CNOT1: variants seen among roughly 807,000 people sequenced by gnomAD.
CNOT1 encodes CCR4-associated factor 1.
Under a neutral mutation model 273.8 loss-of-function variants are expected in CNOT1, and 15 were observed. The observed-to-expected ratio is 0.05, with a 90% CI of 0.04 to 0.08. The LOEUF is 0.08. Ranked by LOEUF, CNOT1 falls within the 10% of genes least tolerant of loss-of-function variation. The probability of loss-of-function intolerance (pLI) is 1.00; values close to 1 mark genes in which losing one functional copy is unlikely to be tolerated. For synonymous variants in CNOT1, 1,022 were observed against 1,005.5 expected (o/e 1.02, Z -0.31); for missense variants, 1,644 against 2,912.2 (o/e 0.56, Z 10.02).
At position 58,587,198 on chromosome 16, in the gene CNOT1, C is replaced by A; in HGVS notation, c.433+3G>T. 1 of 1,610,850 alleles carries A rather than the reference C, an allele frequency of 6.2e-7. No individual in the cohort carries two copies. Among genetic ancestry groups the A allele is most frequent in the South Asian group, 1.1e-5 (1 of 90,522 alleles). ...CGTGATATTTTTGGAAAAAGTAACT[C>A]ACCGAAACCTCTAAGATCTGAGCTG... On this transcript the variant is annotated splice_donor_region_variant and intron_variant, in intron 6 of 48. Transcript: ENST00000317147.
At chr16:58,576,096 C>T (rs542334297) in intron 14 of CNOT1, among the ~76,000 whole-genome samples, 2 of 152,016 alleles carry the variant, frequency 1.3e-5, no homozygotes, top group East Asian at 1.9e-4. Flanking sequence ...GTTACATAAG[C>T]ATTTACTTTT....
chr16:58,609,131 G>C (rs1458361104), intron 1 of CNOT1, among the ~76,000 whole-genome samples: 1 of 152,068 alleles, frequency 6.6e-6, no homozygotes, highest in Non-Finnish European at 1.5e-5. Context: ...CCCAGCACTT[G>C]GGGAGGCCGA....
chr16:58,525,644 A>G (rs2039558707), intron 45 of CNOT1, among the ~76,000 whole-genome samples: 1 of 152,256 alleles, frequency 6.6e-6, no homozygotes, highest in Non-Finnish European at 1.5e-5. Context: ...AGATTTGGAG[A>G]GAAAGTTGTA....
rs1403744216 is a variant in CNOT1, at chr16:58,537,769, C to T, written c.5414+122G>A. The T allele has an allele frequency of 3.1e-6, 4 of 1,305,992 alleles. No homozygotes were observed. The East Asian group carries it at 1.0e-4, about 32-fold the overall frequency. 80.9% of individuals were successfully genotyped at this position (1,305,992 alleles called of 1,614,324 possible). On this transcript the variant is annotated intron_variant, in intron 38 of 48. Coordinates refer to ENST00000317147, the MANE Select transcript of CNOT1 (RefSeq NM_016284.5). ...ACAATATTAGCCCTTACCAAAGCTACCCACCCATATGTGGTTGGTAAAGCA... is the reference window on the plus strand; with the variant it reads ...ACAATATTAGCCCTTACCAAAGCTATCCACCCATATGTGGTTGGTAAAGCA...
intron 1 of CNOT1, among the ~76,000 whole-genome samples, chr16:58,618,445 G>A (rs2043174640): frequency 6.6e-6 from 1 of 152,032 alleles, no homozygotes; most frequent in African/African-American, 2.4e-5. Context: ...AGCAGGACAT[G>A]GTGGTGCACA....
intron 1 of CNOT1, among the ~76,000 whole-genome samples, chr16:58,622,659 G>A (rs1228029373): frequency 7.4e-5 from 11 of 148,856 alleles, no homozygotes; most frequent in Non-Finnish European, 1.0e-4. Flanking sequence ...CCAGCCTGGC[G>A]AACATGGTGA....
chr16:58,559,872 G>C (rs1263223440), intron 17 of CNOT1: 1 of 559,400 alleles, frequency 1.8e-6, no homozygotes, highest in Non-Finnish European at 3.4e-6. Flanking sequence ...TTATGCTCTA[G>C]CACTGTTGCT....
chr16:58,526,205 A>C (rs2039574834), intron 44 of CNOT1, 67 bp from the exon 45 acceptor site: 1 of 1,560,624 alleles, frequency 6.4e-7, no homozygotes, highest in Non-Finnish European at 8.8e-7. Context: ...ATCTATGCTT[A>C]AGTGGTGGGA....
At chr16:58,538,653 G>T in intron 36 of CNOT1, 119 bp downstream of exon 36, 2 of 1,438,066 alleles carry the variant, frequency 1.4e-6, no homozygotes, top group Non-Finnish European at 1.9e-6. Context: ...GAAGTAGGAA[G>T]TCTAAGTGTC....
chr16:58,580,593 GA>G (rs1451447503), intron 12 of CNOT1, 39 bp downstream of exon 12: 1 of 1,588,438 alleles, frequency 6.3e-7, no homozygotes, highest in Admixed American at 1.8e-5. Flanking sequence ...CACAAAATAA[GA>G]AGTAATCTTT....
At chr16:58,541,699 G>C in intron 33 of CNOT1, 79 bp from the exon 34 acceptor site, 1 of 1,418,150 alleles carries the variant, frequency 7.1e-7, no homozygotes, top group Admixed American at 1.8e-5. Flanking sequence ...AAGTCTGCAT[G>C]TGGGTAAGCT....
At position 58,538,013 on chromosome 16, in the gene CNOT1, C is replaced by G. The variant is rs1482704521; in HGVS notation, c.5292G>C (p.Gln1764His). The change falls in exon 38 of 49, where the codon CAG becomes CAC. Residue 1764 changes from glutamine to histidine, a missense_variant. Around this residue, in one of 13 missense-constraint regions of CNOT1, gnomAD observed 170 missense variants for 273.1 expected, o/e 0.62. Coordinates refer to ENST00000317147, the MANE Select transcript of CNOT1 (RefSeq NM_016284.5). The stretch of plus-strand genomic sequence containing the variant: ...CATCCACCAGCAGGATTTTTACTAA[C>G]TGCATAGCAAATGCCACAGCCATGT... ...LNYMAVAFAM[Q>H]LVKILLVDER... 6.2e-7 allele frequency: 1 copy of G among 1,614,196 alleles called. No individual in the cohort carries two copies. The highest frequency in any genetic ancestry group is 2.2e-5 in the East Asian group (1 of 44,884).
intron 12 of CNOT1, among the ~76,000 whole-genome samples, chr16:58,579,721 C>T (rs1051734451): frequency 6.6e-6 from 1 of 152,040 alleles, no homozygotes; most frequent in African/African-American, 2.4e-5. Context: ...CAATTCAGGC[C>T]GCGCTCTCTC....
chr16:58,612,977 TAAGGAA>T (rs1215143443), intron 1 of CNOT1, among the ~76,000 whole-genome samples: 1 of 152,130 alleles, frequency 6.6e-6, no homozygotes, highest in African/African-American at 2.4e-5. Flanking sequence ...ACTTTACAGA[TAAGGAA>T]TAGTTTAACT....
chr16:58,557,176 G>C (rs2040660035), intron 18 of CNOT1, among the ~76,000 whole-genome samples, 183 bp from the exon 19 acceptor site: 1 of 151,978 alleles, frequency 6.6e-6, no homozygotes, highest in Non-Finnish European at 1.5e-5. Flanking sequence ...CTATAAACTA[G>C]GCAGTAACGG....
chr16:58,581,633 A>T, intron 10 of CNOT1, 118 bp from the exon 11 acceptor site: 1 of 1,407,774 alleles, frequency 7.1e-7, no homozygotes, highest in Admixed American at 3.0e-5. Context: ...AAAATTTTTA[A>T]TGTGAATTTT....
chr16:58,622,416 A>ACTTTCTC (rs2043383079), intron 1 of CNOT1, among the ~76,000 whole-genome samples: 1 of 143,244 alleles, frequency 7.0e-6, no homozygotes, highest in Non-Finnish European at 1.5e-5. Flanking sequence ...AAACCTCTGT[A>ACTTTCTC]CTTTCTCATC....
chr16:58,606,770 C>G (rs1275576328), intron 1 of CNOT1, among the ~76,000 whole-genome samples: 1 of 151,618 alleles, frequency 6.6e-6, no homozygotes, highest in East Asian at 1.9e-4. Flanking sequence ...AACCATTGCA[C>G]TCTAGCCTGG....
chr16:58,582,966 A>G lies in CNOT1; in HGVS notation c.934-63T>C, dbSNP rs2041706317. On this transcript the variant is annotated intron_variant, in intron 9 of 48. Transcript: ENST00000317147. ...CTCCATGTGTTCACTTCTGGTCGAT[A>G]GAACAATCAATCATACTGTAATTTA... The G allele has an allele frequency of 2.5e-6, 4 of 1,611,142 alleles. No individual in the cohort carries two copies. The Admixed American group carries it at 5.0e-5, about 20-fold the overall frequency.
Sources: gnomAD v4.1 joint callset for allele counts (sites outside exome capture counted in the v4.1 genomes callset) on GRCh38, gnomAD v4.1.1 for gene constraint, gnomAD v4.1.1 regional missense constraint, MANE v1.5 for transcripts, NCBI Gene and HGNC (gene_info 2026-07-23, HGNC 2026-07-21) for gene names.